Variants in GRIP1 observed in about 807,000 individuals in gnomAD.
GRIP1 encodes glutamate receptor-interacting protein 1.
A neutral mutation model predicts 129.9 loss-of-function variants in GRIP1; 45 were observed. The ratio of observed to expected loss-of-function variants is 0.35; its 90% CI spans 0.27 to 0.44. The LOEUF is 0.44. Among genes scored for constraint, GRIP1 ranks in the 20% least tolerant of loss-of-function variants. GRIP1 has a pLI of 1.00. For synonymous variants in GRIP1, 530 were observed against 520.8 expected (o/e 1.02, Z -0.24); for missense variants, 1,196 against 1,396.8 (o/e 0.86, Z 2.29).
intron 1 of GRIP1, among the ~76,000 whole-genome samples, chr12:66,842,237 AACTCAT>A (rs1203691636): frequency 2.6e-4 from 39 of 152,248 alleles, no homozygotes; most frequent in African/African-American, 9.1e-4. Context: ...TTCTATACGT[AACTCAT>A]ATAATCAAGA....
At chr12:66,822,161 T>C (rs1045469168) in intron 1 of GRIP1, among the ~76,000 whole-genome samples, 10 of 152,340 alleles carry the variant, frequency 6.6e-5, no homozygotes, top group Middle Eastern at 3.4e-3. Flanking sequence ...CCAGAAGCCA[T>C]ATTGCAACAC....
intron 23 of GRIP1, among the ~76,000 whole-genome samples, chr12:66,371,104 C>T (rs1462135435): frequency 1.3e-5 from 2 of 151,828 alleles, no homozygotes; most frequent in Non-Finnish European, 2.9e-5. Flanking sequence ...ATTATGCAAG[C>T]TCCGTGTGAC....
chr12:66,768,379 C>G (rs2037711469), intron 1 of GRIP1, among the ~76,000 whole-genome samples: 1 of 152,232 alleles, frequency 6.6e-6, no homozygotes, highest in African/African-American at 2.4e-5. Flanking sequence ...CATACAAACA[C>G]ATGCAGCTGG....
At chr12:66,794,911 G>A (rs1592852629) in intron 1 of GRIP1, among the ~76,000 whole-genome samples, 1 of 152,256 alleles carries the variant, frequency 6.6e-6, no homozygotes, top group Non-Finnish European at 1.5e-5. Context: ...TTAAGGTGAT[G>A]GGGATTCCCC....
chr12:67,003,746 T>G lies in GRIP1; in HGVS notation c.58+65304A>C, dbSNP rs559814724. 4.4e-5 allele frequency among the ~76,000 whole-genome samples: 6 copies of G among 137,864 alleles called. No homozygotes were observed. In the East Asian group the frequency reaches 1.2e-3, roughly 27 times the overall value. The allele number at this position is 137,864 out of a possible 152,430, so 90.4% of individuals were successfully genotyped here. On this transcript the variant is annotated intron_variant, in intron 1 of 1. Transcript: ENST00000643019. ...TAAATAAAAAAATAAATAAAAAAAT[T>G]CCTACCATTTTCCCTCTTTCTCCTA...
rs1279011437 is a variant in GRIP1, at chr12:66,704,143, T to C, written c.-419-73807A>G. On this transcript the variant is annotated intron_variant, in intron 1 of 4. Coordinates refer to the GRIP1 transcript ENST00000538373. ...TTGACTAACTACTCCAAAATATCAA[T>C]TTACATACATCACACAAACATCAAA... Among the ~76,000 whole-genome samples the C allele has an allele frequency of 7.9e-5, 12 of 152,064 alleles. 1 individual carries two copies. The highest frequency in any genetic ancestry group is 7.9e-4 in the Admixed American group (12 of 15,240).
chr12:66,841,867 A>G (rs1371608821), intron 1 of GRIP1, among the ~76,000 whole-genome samples: 2 of 152,332 alleles, frequency 1.3e-5, no homozygotes, highest in South Asian at 2.1e-4. Flanking sequence ...TCACATTTAC[A>G]AAGGCAAAGT....
At chr12:66,843,390 T>C (rs2039755687) in intron 1 of GRIP1, among the ~76,000 whole-genome samples, 1 of 152,146 alleles carries the variant, frequency 6.6e-6, no homozygotes, top group South Asian at 2.1e-4. Context: ...TTATTCATGA[T>C]TGTTTTGTCT....
intron 7 of GRIP1, 61 bp downstream of exon 7, chr12:66,515,558 A>G: frequency 6.9e-7 from 1 of 1,459,516 alleles, no homozygotes; most frequent in Non-Finnish European, 9.6e-7. Context: ...AACATGGTTT[A>G]TCAGGGACAG....
chr12:66,547,901 A>G (rs2061995816), intron 2 of GRIP1, among the ~76,000 whole-genome samples: 1 of 152,178 alleles, frequency 6.6e-6, no homozygotes, highest in African/African-American at 2.4e-5. Context: ...AGATATTTCT[A>G]TTGGGGAAAA....
chr12:66,690,146 C>T (rs1360342323), intron 1 of GRIP1, among the ~76,000 whole-genome samples: 1 of 152,062 alleles, frequency 6.6e-6, no homozygotes, highest in African/African-American at 2.4e-5. Flanking sequence ...TCTTGAACTC[C>T]TGGGCTCAAG....
chr12:66,800,707 T>C (rs568106704), intron 1 of GRIP1, among the ~76,000 whole-genome samples: 2 of 151,946 alleles, frequency 1.3e-5, no homozygotes, highest in African/African-American at 4.8e-5. Context: ...ACACCAAACA[T>C]AAAAAAATGG....
At chr12:66,477,064 A>G (rs1441107117) in intron 7 of GRIP1, among the ~76,000 whole-genome samples, 5 of 152,212 alleles carry the variant, frequency 3.3e-5, no homozygotes, top group Admixed American at 6.5e-5. Flanking sequence ...AGGGTATTCA[A>G]TTAGGAAAAG....
intron 1 of GRIP1, among the ~76,000 whole-genome samples, chr12:67,007,818 C>A (rs76748700): frequency 1.3e-5 from 2 of 152,088 alleles, no homozygotes; most frequent in Non-Finnish European, 2.9e-5. Flanking sequence ...TATCAACTTG[C>A]GGGAATTTAA....
At chr12:66,510,387 C>T (rs965022836) in intron 7 of GRIP1, among the ~76,000 whole-genome samples, 11 of 152,236 alleles carry the variant, frequency 7.2e-5, no homozygotes, top group South Asian at 2.1e-4. Flanking sequence ...TTCTCCCCTA[C>T]GTATCTCATC....
At chr12:66,778,351 C>T (rs1027501429) in intron 1 of GRIP1, among the ~76,000 whole-genome samples, 1 of 152,062 alleles carries the variant, frequency 6.6e-6, no homozygotes, top group Admixed American at 6.6e-5. Context: ...AACTAAAAAC[C>T]AGCTTTGCTT....
At chr12:66,878,294 G>A (rs1412184398) in intron 1 of GRIP1, among the ~76,000 whole-genome samples, 1 of 152,066 alleles carries the variant, frequency 6.6e-6, no homozygotes, top group Non-Finnish European at 1.5e-5. Context: ...AGTGCTAAAG[G>A]AACCTGGAAG....
chr12:66,623,450 T>C (rs4486703), intron 1 of GRIP1, among the ~76,000 whole-genome samples: 79,094 of 151,948 alleles, frequency 0.52, 21,154 homozygotes, highest in Non-Finnish European at 0.59. Context: ...TCAGTCTGTA[T>C]CATCTCTTGG....
chr12:66,573,682 C>T (rs1300074052), intron 2 of GRIP1, among the ~76,000 whole-genome samples: 2 of 152,158 alleles, frequency 1.3e-5, no homozygotes, highest in Non-Finnish European at 2.9e-5. Context: ...CCTTAAGCTG[C>T]TTCCTAGTCT....
Sources: gnomAD v4.1 joint callset for allele counts (sites outside exome capture counted in the v4.1 genomes callset) on GRCh38, gnomAD v4.1.1 for gene constraint, MANE v1.5 for transcripts, NCBI Gene and HGNC (gene_info 2026-07-23, HGNC 2026-07-21) for gene names.